Variants in SORCS3 observed in about 807,000 individuals in gnomAD.
SORCS3 encodes VPS10 domain-containing receptor SorCS3.
A neutral mutation model predicts 146.3 loss-of-function variants in SORCS3; 57 were observed. That is an observed-to-expected ratio of 0.39 (90% CI 0.31 to 0.49). The LOEUF is 0.49. SORCS3 is among the 20% of genes least tolerant of loss of function. The probability of loss-of-function intolerance (pLI) is 0.92; values close to 1 mark genes in which losing one functional copy is unlikely to be tolerated. For missense variants in SORCS3, 1,341 were observed against 1,575.5 expected, an observed-to-expected ratio of 0.85 and a Z score of 2.52; for synonymous variants, 653 against 618.5, an observed-to-expected ratio of 1.06 and a Z score of -0.83.
intron 7 of SORCS3, among the ~76,000 whole-genome samples, chr10:105,138,007 A>G (rs1409011591): frequency 6.6e-6 from 1 of 152,246 alleles, no homozygotes; most frequent in East Asian, 1.9e-4. Flanking sequence ...ATCTTAATAT[A>G]GCAACACCCA....
At chr10:104,748,950 TC>T (rs2016947495) in intron 1 of SORCS3, among the ~76,000 whole-genome samples, 1 of 152,148 alleles carries the variant, frequency 6.6e-6, no homozygotes, top group Non-Finnish European at 1.5e-5. Flanking sequence ...AATCCAGTTT[TC>T]CCAGCTGTGG....
intron 5 of SORCS3, among the ~76,000 whole-genome samples, chr10:105,071,386 T>G (rs186620726): frequency 6.6e-6 from 1 of 152,356 alleles, no homozygotes; most frequent in Admixed American, 6.5e-5. Flanking sequence ...ACCTGCTCCT[T>G]GGAGGAGTAC....
rs548643430 is a variant in SORCS3 at position 104,937,248 on chromosome 10, A to G, written c.795+21316A>G. Among the ~76,000 whole-genome samples the G allele has an allele frequency of 2.4e-3, 360 of 152,336 alleles. 3 individuals are homozygous for G. The highest frequency in any genetic ancestry group is 8.3e-3 in the African/African-American group (347 of 41,574). On this transcript the variant is annotated intron_variant, in intron 3 of 26. Coordinates refer to ENST00000369701, the MANE Select transcript of SORCS3 (RefSeq NM_014978.3). The stretch of plus-strand genomic sequence containing the variant: ...CCACTCACCTCCTGCTGTGCAGCCC[A>G]GTTCCTAACAGGCCACTGACCAGTA...
At chr10:104,987,439 G>A (rs980101183) in intron 4 of SORCS3, among the ~76,000 whole-genome samples, 3 of 152,002 alleles carry the variant, frequency 2.0e-5, no homozygotes, top group Admixed American at 6.6e-5. Flanking sequence ...TAGTTATAAG[G>A]CAGTGCTCTT....
At chr10:105,004,807 TG>T (rs2055084219) in intron 4 of SORCS3, among the ~76,000 whole-genome samples, 1 of 14,246 alleles carries the variant, frequency 7.0e-5, no homozygotes, top group African/African-American at 2.9e-4. Flanking sequence ...TAGAGTGAGG[TG>T]GGGGGAAGTG....
intron 4 of SORCS3, among the ~76,000 whole-genome samples, chr10:105,007,525 C>G (rs1270964910): frequency 2.0e-5 from 3 of 151,966 alleles, no homozygotes; most frequent in African/African-American, 7.3e-5. Context: ...GTAACTTTTC[C>G]AAGATGAATG....
In SORCS3 at chr10:105,105,422, C is replaced by T. The variant is rs768587661; in HGVS notation, c.1119C>T (p.Ile373=). 4 of 1,613,538 alleles carry T rather than the reference C, an allele frequency of 2.5e-6. No homozygotes were observed. The South Asian group carries it at 3.3e-5, about 13-fold the overall frequency. The change falls in exon 7 of 27, where the codon ATC becomes ATT. Residue 373 remains isoleucine (I), a synonymous_variant. Transcript: ENST00000369701. ...DGYAHYLTCR[I]QECAETTRSG... is the part of the protein sequence containing the mutation. The stretch of plus-strand genomic sequence containing the variant: ...ATGCTCACTACCTCACCTGCAGGAT[C>T]CAGGAATGTGCCGAGACAACTAGAA...
intron 7 of SORCS3, among the ~76,000 whole-genome samples, chr10:105,128,016 A>T (rs1460104929): frequency 6.6e-6 from 1 of 152,174 alleles, no homozygotes; most frequent in African/African-American, 2.4e-5. Context: ...GTTTAGAGAC[A>T]CAAGTTCAAA....
intron 2 of SORCS3, among the ~76,000 whole-genome samples, chr10:104,880,365 G>A (rs2932559): frequency 0.72 from 109,001 of 152,052 alleles, 39,535 homozygotes; most frequent in East Asian, 0.88. Flanking sequence ...CTTTCCCCCA[G>A]TGGGACCTTT....
At chr10:104,873,822 A>C (rs1189136421) in intron 2 of SORCS3, among the ~76,000 whole-genome samples, 5 of 152,210 alleles carry the variant, frequency 3.3e-5, no homozygotes, top group Admixed American at 6.5e-5. Context: ...TTTCTCAACC[A>C]GTTCGGCTAA....
intron 1 of SORCS3, among the ~76,000 whole-genome samples, chr10:104,792,911 G>T (rs1182938665): frequency 6.6e-6 from 1 of 151,966 alleles, no homozygotes; most frequent in Admixed American, 6.6e-5. Context: ...AAGTTATTTT[G>T]GGGTCATGGA....
At chr10:105,134,550 A>C (rs1364553768) in intron 7 of SORCS3, among the ~76,000 whole-genome samples, 1 of 126,544 alleles carries the variant, frequency 7.9e-6, no homozygotes, top group Non-Finnish European at 1.8e-5. Flanking sequence ...AGAAGGGACA[A>C]AAAGGAAAAA....
intron 1 of SORCS3, among the ~76,000 whole-genome samples, chr10:104,796,711 A>G (rs577973907): frequency 2.1e-4 from 32 of 152,352 alleles, no homozygotes. Context: ...GCTTGTGAAG[A>G]AGGTGGCACA....
chr10:105,213,250 A>G (rs2056644797), intron 17 of SORCS3, among the ~76,000 whole-genome samples: 1 of 152,182 alleles, frequency 6.6e-6, no homozygotes, highest in Non-Finnish European at 1.5e-5. Flanking sequence ...ATCCCCTGGG[A>G]TCCCTGAATG....
chr10:104,817,166 T>A (rs2017807042), intron 1 of SORCS3, among the ~76,000 whole-genome samples: 1 of 152,170 alleles, frequency 6.6e-6, no homozygotes, highest in Admixed American at 6.5e-5. Flanking sequence ...TATGAGCACA[T>A]TTCATGAGAG....
chr10:105,024,526 G>A (rs2055215423), intron 4 of SORCS3, among the ~76,000 whole-genome samples: 1 of 152,160 alleles, frequency 6.6e-6, no homozygotes, highest in Non-Finnish European at 1.5e-5. Flanking sequence ...AGAAGAGAAT[G>A]GGGCAGGAGA....
At chr10:104,656,740 A>T (rs2015636077) in intron 1 of SORCS3, among the ~76,000 whole-genome samples, 1 of 152,152 alleles carries the variant, frequency 6.6e-6, no homozygotes, top group African/African-American at 2.4e-5. Flanking sequence ...TGATAAAATG[A>T]TAAAATTAAA....
intron 7 of SORCS3, among the ~76,000 whole-genome samples, chr10:105,108,191 C>T (rs545286325): frequency 5.3e-5 from 8 of 152,170 alleles, no homozygotes; most frequent in African/African-American, 1.2e-4. Context: ...ACTAGGAACA[C>T]GGTGGCAGAA....
At chr10:105,068,684 T>C (rs993782494) in intron 5 of SORCS3, among the ~76,000 whole-genome samples, 2 of 152,208 alleles carry the variant, frequency 1.3e-5, no homozygotes, top group African/African-American at 2.4e-5. Context: ...CACAAAAATT[T>C]TGTGGCCAGT....
Sources: allele counts gnomAD v4.1 joint callset (sites outside exome capture counted in the v4.1 genomes callset), GRCh38; gene constraint gnomAD v4.1.1; transcripts MANE v1.5; gene names NCBI Gene and HGNC (gene_info 2026-07-23, HGNC 2026-07-21).